Variants in AK3 observed in about 807,000 individuals in gnomAD.
The protein encoded by AK3 is GTP:AMP phosphotransferase AK3, mitochondrial.
Under a neutral mutation model 23.7 loss-of-function variants are expected in AK3, and 27 were observed. The observed-to-expected ratio is 1.14, with a 90% CI of 0.84 to 1.57. The LOEUF is 1.57. Among genes scored for constraint, AK3 ranks in the 40% most tolerant of loss-of-function variants. AK3 has a pLI of 0.00. For missense variants in AK3, 406 were observed against 285.6 expected, an observed-to-expected ratio of 1.42 and a Z score of -3.04; for synonymous variants, 159 against 116.0, an observed-to-expected ratio of 1.37 and a Z score of -2.38.
chr9:4,718,922 T>C (rs1458905243), intron 3 of AK3, among the ~76,000 whole-genome samples: 1 of 152,192 alleles, frequency 6.6e-6, no homozygotes, highest in African/African-American at 2.4e-5. Flanking sequence ...AATCAACAAA[T>C]GTTTTTGAAT....
intron 4 of AK3, among the ~76,000 whole-genome samples, chr9:4,713,963 C>CGCCT (rs1841634211): frequency 7.7e-6 from 1 of 129,100 alleles, no homozygotes; most frequent in Non-Finnish European, 1.7e-5. Flanking sequence ...TACACATATA[C>CGCCT]ACACCTCCAC....
intron 1 of AK3, among the ~76,000 whole-genome samples, chr9:4,725,019 C>CTT (rs1491310710): frequency 1.9e-5 from 1 of 53,302 alleles, no homozygotes; most frequent in African/African-American, 3.8e-5. Context: ...AGCTACTAAA[C>CTT]TCTTTTTTTT....
At chr9:4,723,455 T>C (rs1403323463) in intron 1 of AK3, among the ~76,000 whole-genome samples, 3 of 152,216 alleles carry the variant, frequency 2.0e-5, no homozygotes, top group Non-Finnish European at 4.4e-5. Flanking sequence ...GTGATTATGT[T>C]ATATTTTTAT....
In AK3 at chr9:4,740,923, C is replaced by T. The variant is rs761932600; in HGVS notation, c.151+14G>A. 7.8e-6 allele frequency: 12 copies of T among 1,545,972 alleles called. No individual in the cohort carries two copies. The Admixed American group carries it at 2.1e-4, about 27-fold the overall frequency. ...GTGACAGCGCACGGCCGGCCCTGGGCCCAGAGCTCCCACCTGTGCCCCGCA... is the reference window on the plus strand; with the variant it reads ...GTGACAGCGCACGGCCGGCCCTGGGTCCAGAGCTCCCACCTGTGCCCCGCA... On this transcript the variant is annotated intron_variant, in intron 1 of 4. Coordinates refer to ENST00000381809, the MANE Select transcript of AK3 (RefSeq NM_016282.4).
intron 1 of AK3, among the ~76,000 whole-genome samples, chr9:4,731,492 C>T (rs1488274155): frequency 6.6e-6 from 1 of 151,492 alleles, no homozygotes. Context: ...GTGTCTATAT[C>T]ATGAACTTTC....
At position 4,740,820 on chromosome 9, in the gene AK3, G is replaced by T. The variant is rs916540713; in HGVS notation, c.151+117C>A. On this transcript the variant is annotated intron_variant, in intron 1 of 4. Coordinates refer to ENST00000381809, the MANE Select transcript of AK3 (RefSeq NM_016282.4). The stretch of plus-strand genomic sequence containing the variant: ...CAGCCCGAGGTCTCTGTCCCGGGCG[G>T]CGGGAGGGAAATGCCGCGCCCGCAG... 3.2e-6 allele frequency: 4 copies of T among 1,244,654 alleles called. No individual in the cohort carries two copies. In the African/African-American group the frequency reaches 4.8e-5, roughly 15 times the overall value. The allele number at this position is 1,244,654 out of a possible 1,614,324, so 77.1% of individuals were successfully genotyped here.
At chr9:4,728,592 C>A (rs898239656) in intron 1 of AK3, among the ~76,000 whole-genome samples, 1 of 151,966 alleles carries the variant, frequency 6.6e-6, no homozygotes, top group South Asian at 2.1e-4. Context: ...TAAATAAAAA[C>A]AAGTGTTGGT....
rs746025631 is a variant in AK3, at chr9:4,719,247, A to T, written c.332T>A (p.Val111Glu). The T allele has an allele frequency of 6.2e-7, 1 of 1,610,816 alleles. No individual in the cohort carries two copies. Among genetic ancestry groups the T allele is most frequent in the South Asian group, 1.1e-5 (1 of 90,960 alleles). The change falls in exon 3 of 5, where the codon GTG becomes GAG. Residue 111 changes from valine (V) to glutamate (E), a missense_variant. Transcript: ENST00000381809. ...ALDRAYQIDT[V>E]INLNVPFEVI... ...CTCAAAGGGCACATTCAGGTTAATC[A>T]CTGTGTCGATCTGATAAGCTCTATC...
chr9:4,726,684 T>C (rs1036073778), intron 1 of AK3, among the ~76,000 whole-genome samples: 2 of 151,646 alleles, frequency 1.3e-5, no homozygotes, highest in Admixed American at 6.6e-5. Flanking sequence ...ATCAACTTCT[T>C]CCAAACTCCT....
intron 1 of AK3, among the ~76,000 whole-genome samples, chr9:4,738,612 G>GA (rs55994802): frequency 0.34 from 50,487 of 149,096 alleles, 9,277 homozygotes; most frequent in Non-Finnish European, 0.4. Context: ...AAAAGAAAAA[G>GA]AAAAAAAAAG....
chr9:4,725,764 G>A (rs968217481), intron 1 of AK3, among the ~76,000 whole-genome samples: 6 of 152,176 alleles, frequency 3.9e-5, no homozygotes, highest in African/African-American at 7.2e-5. Flanking sequence ...CATAGGATCT[G>A]AATACACATT....
intron 1 of AK3, among the ~76,000 whole-genome samples, chr9:4,727,115 T>C (rs1170397564): frequency 6.6e-6 from 1 of 152,190 alleles, no homozygotes; most frequent in Non-Finnish European, 1.5e-5. Flanking sequence ...GTCATTCCAT[T>C]TACAGAGCAC....
At chr9:4,714,787 G>T (rs1033357814) in intron 4 of AK3, among the ~76,000 whole-genome samples, 1 of 151,958 alleles carries the variant, frequency 6.6e-6, no homozygotes, top group African/African-American at 2.4e-5. Flanking sequence ...CAGCTAAAAG[G>T]TTTTTTTTAA....
upstream of AK3, chr9:4,741,797 C>G (rs1467902001): frequency 1.3e-5 from 2 of 152,718 alleles, no homozygotes; most frequent in East Asian, 1.9e-4. Context: ...CTGGCGCCCA[C>G]TCGAATCCGC....
upstream of AK3, chr9:4,741,386 C>G: frequency 6.6e-6 from 2 of 300,816 alleles, no homozygotes; most frequent in Non-Finnish European, 1.2e-5. Flanking sequence ...CGCTCGGCCG[C>G]CCAGCTCCCA....
chr9:4,711,246 G>C lies in AK3; in HGVS notation c.*1730C>G, dbSNP rs1213639882. The stretch of plus-strand genomic sequence containing the variant: ...AGGAAGGTGGGATGGAGCAGGCCCT[G>C]TGAAGGACCAAGAACAAAGTAATAG... On this transcript the variant is annotated 3_prime_UTR_variant, in exon 5 of 5. Transcript: ENST00000381809. The C allele has an allele frequency of 6.5e-6, 1 of 152,680 alleles. No homozygotes were observed. The highest frequency in any genetic ancestry group is 1.9e-4 in the East Asian group (1 of 5,200). 9.5% of individuals were successfully genotyped at this position (152,680 alleles called of 1,614,324 possible).
At chr9:4,725,750 C>T (rs763327642) in intron 1 of AK3, among the ~76,000 whole-genome samples, 5 of 152,142 alleles carry the variant, frequency 3.3e-5, no homozygotes, top group Non-Finnish European at 5.9e-5. Flanking sequence ...AAATGTTAAA[C>T]GGGCATAGGA....
intron 4 of AK3, among the ~76,000 whole-genome samples, chr9:4,715,515 C>T (rs1841703289): frequency 6.6e-6 from 1 of 151,674 alleles, no homozygotes; most frequent in Non-Finnish European, 1.5e-5. Flanking sequence ...TTACCTCAGA[C>T]TCCCCAGTAG....
At chr9:4,715,070 T>C (rs1232849985) in intron 4 of AK3, among the ~76,000 whole-genome samples, 1 of 151,576 alleles carries the variant, frequency 6.6e-6, no homozygotes, top group Non-Finnish European at 1.5e-5. Flanking sequence ...AATACAAAAA[T>C]TAGCAGGACA....
Sources: gnomAD v4.1 joint callset for allele counts (sites outside exome capture counted in the v4.1 genomes callset) on GRCh38, gnomAD v4.1.1 for gene constraint, MANE v1.5 for transcripts, NCBI Gene and HGNC (gene_info 2026-07-23, HGNC 2026-07-21) for gene names.